The following GATAD1 variants were observed in gnomAD, a reference collection of about 807,000 sequenced individuals.
GATAD1 encodes the protein GATA zinc finger domain containing 1, also known as GATA zinc finger domain-containing protein 1.
GATAD1 carries 12 observed loss-of-function variants against 26.5 expected under a neutral mutation model. The ratio of observed to expected loss-of-function variants is 0.45; its 90% CI spans 0.29 to 0.73. The LOEUF is 0.73. Ranked by LOEUF, GATAD1 falls within the 30% of genes least tolerant of loss-of-function variation. GATAD1 has a pLI of 0.10. For missense variants in GATAD1, 266 were observed against 342.1 expected, an observed-to-expected ratio of 0.78 and a Z score of 1.75; for synonymous variants, 129 against 133.1, an observed-to-expected ratio of 0.97 and a Z score of 0.21.
the GATAD1 span, among the ~76,000 whole-genome samples, chr7:92,480,676 G>A: frequency 6.6e-6 from 1 of 152,180 alleles, no homozygotes; most frequent in Admixed American, 6.5e-5. Flanking sequence ...CAATGGGGGA[G>A]TAGGTGGGAA....
At chr7:92,465,962 C>T in the GATAD1 span, among the ~76,000 whole-genome samples, 4 of 151,954 alleles carry the variant, frequency 2.6e-5, no homozygotes, top group South Asian at 4.1e-4. Flanking sequence ...AAGATCGCAC[C>T]GTTGTACTCC....
In GATAD1 at chr7:92,448,861, T is replaced by C. The variant is rs189361276; in HGVS notation, c.359T>C (p.Ile120Thr). The C allele has an allele frequency of 8.1e-6, 13 of 1,611,756 alleles. No individual in the cohort carries two copies. In the Admixed American group the frequency reaches 1.7e-4, roughly 21 times the overall value. ...VSTKGKGRRH[I>T]FKLKNPIKAP... is the part of the protein sequence containing the mutation. Reference sequence around the variant, plus strand: ...ACCAAAGGAAAAGGGAGAAGACATATATTTAAATTGAAAAATGTAAGATAT... The same window carrying C: ...ACCAAAGGAAAAGGGAGAAGACATACATTTAAATTGAAAAATGTAAGATAT... The change falls in exon 2 of 5, where the codon ATA (isoleucine) becomes ACA (threonine). Residue 120 changes from isoleucine (I) to threonine (T), a missense_variant. Ile to Thr is a moderately conservative substitution (Grantham distance 89). Coordinates refer to ENST00000287957, the MANE Select transcript of GATAD1 (RefSeq NM_021167.5).
chr7:92,451,884 A>G (rs530921963), intron 3 of GATAD1, among the ~76,000 whole-genome samples: 18 of 152,242 alleles, frequency 1.2e-4, no homozygotes, highest in Admixed American at 2.0e-4. Flanking sequence ...CACATAGCCA[A>G]CAAGTCATGG....
At chr7:92,478,287 C>T in the GATAD1 span, among the ~76,000 whole-genome samples, 1 of 152,178 alleles carries the variant, frequency 6.6e-6, no homozygotes, top group African/African-American at 2.4e-5. Context: ...CTGTCCAGAA[C>T]TATGTCACAT....
chr7:92,469,838 T>G, the GATAD1 span: 4 of 772,426 alleles, frequency 5.2e-6, no homozygotes, highest in South Asian at 5.4e-5. Flanking sequence ...TTAGTAGGGT[T>G]TTGGGCCGAG....
the GATAD1 span, among the ~76,000 whole-genome samples, chr7:92,485,677 A>G: frequency 6.6e-6 from 1 of 152,260 alleles, no homozygotes; most frequent in East Asian, 1.9e-4. Context: ...CATCAGAGTG[A>G]AAGCATTACT....
chr7:92,487,523 AT>A, the GATAD1 span: 1 of 1,576,882 alleles, frequency 6.3e-7, no homozygotes, highest in Non-Finnish European at 8.7e-7. Context: ...TCCTCTTTGG[AT>A]TTTGAAAGCT....
chr7:92,492,839 T>C, the GATAD1 span: 2 of 819,028 alleles, frequency 2.4e-6, no homozygotes, highest in East Asian at 2.4e-5. Context: ...TTTATGTTTC[T>C]ATACAGTTTT....
At chr7:92,448,079 C>T (rs950987781) in intron 1 of GATAD1, 101 bp downstream of exon 1, 151 of 889,898 alleles carry the variant, frequency 1.7e-4, no homozygotes, top group Non-Finnish European at 2.0e-4. Context: ...TCCCCGATCG[C>T]CGTGCTCCTG....
At chr7:92,495,133 TG>T in the GATAD1 span, among the ~76,000 whole-genome samples, 5 of 152,158 alleles carry the variant, frequency 3.3e-5, no homozygotes, top group African/African-American at 1.2e-4. Context: ...GGTACTGTTT[TG>T]TAAGGGCTCT....
Position 92,459,955 on chromosome 7 carries a change from T to C in GATAD1, c.*3393T>C, listed in dbSNP as rs1342557867. Among the ~76,000 whole-genome samples, 1 of 152,260 alleles carries C rather than the reference T, an allele frequency of 6.6e-6. No homozygotes were observed. The highest frequency in any genetic ancestry group is 2.4e-5 in the African/African-American group (1 of 41,472). ...AATAGTCAAGTAAAATTTAGATTGT[T>C]ACATTCTGGGTTAGTATTAGATTGT... On this transcript the variant is annotated 3_prime_UTR_variant, in exon 5 of 5. Transcript: ENST00000287957.
downstream of GATAD1, among the ~76,000 whole-genome samples, chr7:92,464,365 AC>A (rs1790028539): frequency 6.6e-6 from 1 of 152,188 alleles, no homozygotes; most frequent in Non-Finnish European, 1.5e-5. Context: ...AAAACTCTGC[AC>A]CTAGTTGATT....
the GATAD1 span, chr7:92,471,064 T>C: frequency 6.0e-6 from 1 of 167,054 alleles, no homozygotes; most frequent in Non-Finnish European, 1.5e-5. Context: ...CTATTGTCAC[T>C]CTGTAAGCCT....
At chr7:92,489,580 C>T in the GATAD1 span, 118 of 1,017,822 alleles carry the variant, frequency 1.2e-4, no homozygotes, top group Non-Finnish European at 1.8e-5. Context: ...AGCACATAAC[C>T]ATGACTGAGT....
At chr7:92,489,213 C>T in the GATAD1 span, 1 of 1,241,148 alleles carries the variant, frequency 8.1e-7, no homozygotes, top group Non-Finnish European at 1.2e-6. Flanking sequence ...TTATTTTAAA[C>T]ACGAACTTTA....
intron 4 of GATAD1, among the ~76,000 whole-genome samples, chr7:92,455,596 A>G (rs1469744389): frequency 1.3e-5 from 2 of 152,138 alleles, no homozygotes; most frequent in African/African-American, 2.4e-5. Context: ...AAGTTTTCAG[A>G]TTTTTACAGT....
chr7:92,486,668 A>AT, the GATAD1 span, among the ~76,000 whole-genome samples: 88 of 149,990 alleles, frequency 5.9e-4, no homozygotes, highest in Non-Finnish European at 1.1e-3. Flanking sequence ...TGCATGGCTA[A>AT]TTTTTTTTTT....
intron 2 of GATAD1, chr7:92,449,252 TC>T: frequency 1.2e-6 from 1 of 819,116 alleles, no homozygotes; most frequent in Non-Finnish European, 1.5e-6. Context: ...TCTTTAAAAA[TC>T]TAAGTAAATA....
chr7:92,487,402 C>T, the GATAD1 span: 1 of 904,676 alleles, frequency 1.1e-6, no homozygotes, highest in Non-Finnish European at 1.8e-6. Flanking sequence ...CCTGTTACAA[C>T]ATATGGAAAA....
Sources: allele counts gnomAD v4.1 joint callset (sites outside exome capture counted in the v4.1 genomes callset), GRCh38; gene constraint gnomAD v4.1.1; transcripts MANE v1.5; gene names NCBI Gene and HGNC (gene_info 2026-07-23, HGNC 2026-07-21).